Variants in TAF2 observed in about 807,000 individuals in gnomAD.
The protein encoded by TAF2 is TATA-box binding protein associated factor 2.
A neutral mutation model predicts 138.5 loss-of-function variants in TAF2; 61 were observed. That is an observed-to-expected ratio of 0.44 (90% CI 0.36 to 0.54). The LOEUF is 0.54. TAF2 is among the 20% of genes least tolerant of loss of function. The pLI, the probability that TAF2 is intolerant of heterozygous loss-of-function variation, is 0.00. For missense variants in TAF2, 1,090 were observed against 1,427.9 expected (o/e 0.76, Z 3.81); for synonymous variants, 475 against 469.9 (o/e 1.01, Z -0.14).
chr8:119,741,777 C>T (rs555264079), intron 25 of TAF2, among the ~76,000 whole-genome samples: 15 of 152,286 alleles, frequency 9.8e-5, no homozygotes, highest in Non-Finnish European at 1.8e-4. Flanking sequence ...CTGTCTACTT[C>T]TGGAAAAACT....
chr8:119,824,418 G>T (rs929043158), intron 2 of TAF2, among the ~76,000 whole-genome samples: 1 of 135,354 alleles, frequency 7.4e-6, no homozygotes, highest in Non-Finnish European at 1.6e-5. Flanking sequence ...GACAGAGTGA[G>T]ACTCCGTCTC....
chr8:119,786,679 T>TC (rs1231092553), intron 14 of TAF2, among the ~76,000 whole-genome samples: 1 of 152,106 alleles, frequency 6.6e-6, no homozygotes, highest in Non-Finnish European at 1.5e-5. Context: ...CCCAGCATTT[T>TC]GGGGGGCCGA....
Position 119,793,425 on chromosome 8 carries a change from T to C in TAF2, c.1218A>G (p.Glu406=), listed in dbSNP as rs1355733398. The change falls in exon 10 of 26, where the codon GAA becomes GAG. Residue 406 remains glutamate, a synonymous_variant. Transcript: ENST00000378164. ...KEELDKIVAY[E]LKTGGVLLHP... is the part of the protein sequence containing the mutation. ...GTAGTAAAACCCCACCAGTTTTTAG[T>C]TCATATGCCACTATTTTGTCTAGCT... 4 of 1,612,902 alleles carry C rather than the reference T, an allele frequency of 2.5e-6. No individual in the cohort carries two copies. Among genetic ancestry groups the C allele is most frequent in the Non-Finnish European group, 3.4e-6 (4 of 1,179,288 alleles).
intron 11 of TAF2, among the ~76,000 whole-genome samples, chr8:119,790,145 C>T (rs2131166005): frequency 1.3e-5 from 2 of 152,178 alleles, no homozygotes; most frequent in Admixed American, 1.3e-4. Flanking sequence ...TTCTGTTCTT[C>T]ATTCTAAAGG....
At chr8:119,771,648 G>T (rs1257595619) in intron 18 of TAF2, among the ~76,000 whole-genome samples, 1 of 152,022 alleles carries the variant, frequency 6.6e-6, no homozygotes, top group Non-Finnish European at 1.5e-5. Context: ...ACAAAACCAA[G>T]AATTAATTTT....
intron 9 of TAF2, among the ~76,000 whole-genome samples, chr8:119,793,929 G>GTTGTT (rs1410579714): frequency 6.6e-6 from 1 of 151,374 alleles, no homozygotes; most frequent in African/African-American, 2.4e-5. Flanking sequence ...GTTGGGGGCA[G>GTTGTT]TTGTTTTGTT....
chr8:119,731,936 GGAA>G lies in TAF2; in HGVS notation c.3585_3587del (p.Ser1196del). On this transcript the variant is annotated inframe_deletion, in exon 26 of 26. Transcript: ENST00000378164. ...TTTTGTCCCCTTCTCAGTCTGAAAGGGAAGGAGAACGAATAGACCTGCCACTGG... is the reference window on the plus strand; with the variant it reads ...TTTTGTCCCCTTCTCAGTCTGAAAGGGGAGAACGAATAGACCTGCCACTGG... 1 of 1,614,154 alleles carries G rather than the reference GGAA, an allele frequency of 6.2e-7. No homozygotes were observed. Among genetic ancestry groups the G allele is most frequent in the Non-Finnish European group, 8.5e-7 (1 of 1,180,006 alleles).
intron 21 of TAF2, among the ~76,000 whole-genome samples, chr8:119,757,666 G>A (rs917096534): frequency 3.3e-5 from 5 of 151,776 alleles, no homozygotes; most frequent in African/African-American, 1.2e-4. Flanking sequence ...AGGGCCCAAG[G>A]GGGTGGATAA....
intron 14 of TAF2, among the ~76,000 whole-genome samples, chr8:119,786,864 T>A (rs976307437): frequency 6.6e-6 from 1 of 152,124 alleles, no homozygotes; most frequent in Non-Finnish European, 1.5e-5. Context: ...GAGGTTGCAA[T>A]GAGCTGAGAT....
Position 119,804,004 on chromosome 8 carries a change from T to C in TAF2, c.434A>G (p.Lys145Arg). Residue 145 changes from lysine to arginine, a missense_variant, in exon 5 of 26, where the codon AAG becomes AGG. Physicochemically the swap from Lys to Arg is conservative, Grantham distance 26. Transcript: ENST00000378164. ...WKHVDELKVL[K>R]IHINFSLDQP... The stretch of plus-strand genomic sequence containing the variant: ...ATCCAAAGAAAAATTGATGTGTATC[T>C]TCAGGACCTTTAACTCTGCAACAAA... 6.2e-7 allele frequency: 1 copy of C among 1,614,068 alleles called. No homozygotes were observed. The highest frequency in any genetic ancestry group is 8.5e-7 in the Non-Finnish European group (1 of 1,179,998).
At chr8:119,802,122 C>G in intron 5 of TAF2, 97 bp from the exon 6 acceptor site, 1 of 1,054,614 alleles carries the variant, frequency 9.5e-7, no homozygotes, top group Non-Finnish European at 1.4e-6. Flanking sequence ...AGAAAATGAA[C>G]AAACAAAACC....
At chr8:119,830,241 T>C (rs1462582385) in intron 2 of TAF2, among the ~76,000 whole-genome samples, 2 of 152,180 alleles carry the variant, frequency 1.3e-5, no homozygotes, top group Admixed American at 6.5e-5. Context: ...GCCTTAATTC[T>C]AATATTAGGA....
intron 3 of TAF2, among the ~76,000 whole-genome samples, chr8:119,814,185 T>C (rs975213306): frequency 5.3e-5 from 8 of 152,130 alleles, no homozygotes; most frequent in Non-Finnish European, 8.8e-5. Flanking sequence ...ACTGGAAGTA[T>C]TCAAGTAGAA....
At chr8:119,734,419 C>T (rs745579540) in intron 25 of TAF2, among the ~76,000 whole-genome samples, 1 of 152,158 alleles carries the variant, frequency 6.6e-6, no homozygotes, top group Non-Finnish European at 1.5e-5. Flanking sequence ...TTCACCAAAA[C>T]AGACATCACC....
intron 22 of TAF2, among the ~76,000 whole-genome samples, 194 bp downstream of exon 22, chr8:119,755,812 C>G (rs1409697604): frequency 6.6e-6 from 1 of 152,076 alleles, no homozygotes; most frequent in Non-Finnish European, 1.5e-5. Flanking sequence ...CTCAACCACA[C>G]TATGGAGTAA....
rs1019920415 is a variant in TAF2 at position 119,783,741 on chromosome 8, G to A, written c.1860-108C>T. Reference sequence around the variant, plus strand: ...TTTACCAGGTTTCCTTTTAGATGTAGTATTCAAGACTGCCTGGAGTTTTAC... The same window carrying A: ...TTTACCAGGTTTCCTTTTAGATGTAATATTCAAGACTGCCTGGAGTTTTAC... On this transcript the variant is annotated intron_variant, in intron 15 of 25. Transcript: ENST00000378164. 1.0e-5 allele frequency: 14 copies of A among 1,358,832 alleles called. 1 individual carries two copies. The South Asian group carries it at 1.9e-4, about 19-fold the overall frequency. The allele number at this position is 1,358,832 out of a possible 1,614,324, so 84.2% of individuals were successfully genotyped here.
intron 9 of TAF2, 144 bp from the exon 10 acceptor site, chr8:119,793,595 G>A (rs929735077): frequency 5.6e-5 from 37 of 664,740 alleles, no homozygotes; most frequent in Admixed American, 1.4e-4. Context: ...TATTTAAAGA[G>A]TAGTTTATGT....
At chr8:119,767,677 CA>C (rs1346131607) in intron 18 of TAF2, among the ~76,000 whole-genome samples, 4 of 152,226 alleles carry the variant, frequency 2.6e-5, no homozygotes, top group Admixed American at 2.6e-4. Context: ...TCACACAACC[CA>C]AAGACAGATA....
rs1820999112 is a variant in TAF2 at position 119,760,643 on chromosome 8, T to A, written c.2654A>T (p.Asp885Val). 6.2e-7 allele frequency: 1 copy of A among 1,613,900 alleles called. No homozygotes were observed. Residue 885 changes from aspartate (D) to valine (V), a missense_variant, in exon 20 of 26, where the codon GAC becomes GTC. Transcript: ENST00000378164. ...TGCTTCCAAAGCTGCTATCCTAATG[T>A]CCACAAAGTGGCCATATTCAGCATA... ...KSYAEYGHFVDIRIAALEAVV... is the reference protein window; with the variant it reads ...KSYAEYGHFVVIRIAALEAVV...
Sources: allele counts gnomAD v4.1 joint callset (sites outside exome capture counted in the v4.1 genomes callset), GRCh38; gene constraint gnomAD v4.1.1; transcripts MANE v1.5; gene names NCBI Gene and HGNC (gene_info 2026-07-23, HGNC 2026-07-21).